The following SEM1 variants were observed in gnomAD, a reference collection of about 807,000 sequenced individuals.
The protein encoded by SEM1 is SEM1 26S proteasome subunit, also known as 26S proteasome complex subunit SEM1.
In SEM1, 3 loss-of-function variants were observed where a neutral mutation model predicts 12.7. The ratio of observed to expected loss-of-function variants is 0.24; its 90% CI spans 0.11 to 0.61. SEM1 has a LOEUF of 0.61. SEM1 is among the 20% of genes least tolerant of loss of function. The pLI, the probability that SEM1 is intolerant of heterozygous loss-of-function variation, is 0.88. For missense variants in SEM1, 59 were observed against 81.3 expected (o/e 0.73, Z 1.06); for synonymous variants, 30 against 27.8 (o/e 1.08, Z -0.25).
At chr7:96,566,445 T>G (rs1805845355) in intron 2 of SEM1, among the ~76,000 whole-genome samples, 1 of 151,666 alleles carries the variant, frequency 6.6e-6, no homozygotes, top group Admixed American at 6.6e-5. Context: ...GAACTTATTT[T>G]TCTATAAACT....
chr7:96,692,541 C>T (rs898588060), intron 2 of SEM1, among the ~76,000 whole-genome samples: 10 of 151,998 alleles, frequency 6.6e-5, no homozygotes, highest in Admixed American at 2.0e-4. Context: ...TAATGTGGCT[C>T]ATTTTTTGAA....
chr7:96,516,917 T>A (rs1049232449), intron 2 of SEM1, among the ~76,000 whole-genome samples: 6 of 152,034 alleles, frequency 3.9e-5, no homozygotes, highest in African/African-American at 1.4e-4. Flanking sequence ...TACCCAGCCA[T>A]GAAAAGATGT....
chr7:96,567,489 C>A (rs1484891926), intron 2 of SEM1, among the ~76,000 whole-genome samples: 2 of 112,558 alleles, frequency 1.8e-5, no homozygotes, highest in Non-Finnish European at 4.4e-5. Flanking sequence ...TCTCTTCAAA[C>A]CTTTGTATTT....
chr7:96,606,586 A>C (rs967638402), intron 2 of SEM1, among the ~76,000 whole-genome samples: 2 of 152,126 alleles, frequency 1.3e-5, no homozygotes, highest in Non-Finnish European at 2.9e-5. Context: ...CAACTATTAG[A>C]AAAAAAAGTA....
intron 2 of SEM1, among the ~76,000 whole-genome samples, chr7:96,606,202 G>A (rs979499525): frequency 4.6e-5 from 7 of 152,190 alleles, no homozygotes; most frequent in Non-Finnish European, 7.3e-5. Context: ...GGTATACATA[G>A]GGTTCAAAAC....
intron 2 of SEM1, among the ~76,000 whole-genome samples, chr7:96,625,032 G>A (rs545106256): frequency 1.3e-5 from 2 of 152,060 alleles, no homozygotes; most frequent in East Asian, 3.9e-4. Context: ...TATTTATCAG[G>A]ACTCTATGTT....
intron 2 of SEM1, among the ~76,000 whole-genome samples, chr7:96,648,820 TGCAGCCCTGACAAA>T (rs1271941127): frequency 5.3e-5 from 8 of 152,218 alleles, no homozygotes; most frequent in African/African-American, 1.9e-4. Flanking sequence ...CAAACTGCAG[TGCAGCCCTGACAAA>T]GCCTCGGCCA....
intron 2 of SEM1, among the ~76,000 whole-genome samples, chr7:96,642,364 G>C (rs934660036): frequency 3.9e-5 from 6 of 152,074 alleles, no homozygotes; most frequent in African/African-American, 1.2e-4. Context: ...TAGAATATCA[G>C]TCTGCATATG....
chr7:96,501,907 T>C (rs1290904539), intron 3 of SEM1, among the ~76,000 whole-genome samples: 1 of 152,076 alleles, frequency 6.6e-6, no homozygotes, highest in Non-Finnish European at 1.5e-5. Context: ...AAAGTGTCTG[T>C]TGTTATAACC....
At chr7:96,574,758 A>G (rs1252855930) in intron 2 of SEM1, among the ~76,000 whole-genome samples, 1 of 151,984 alleles carries the variant, frequency 6.6e-6, no homozygotes, top group Non-Finnish European at 1.5e-5. Context: ...TGATCCAGCT[A>G]TTGATATTTA....
chr7:96,676,718 A>T (rs76725583), intron 2 of SEM1, among the ~76,000 whole-genome samples: 2 of 152,216 alleles, frequency 1.3e-5, no homozygotes, highest in East Asian at 3.9e-4. Flanking sequence ...TACATTTCCC[A>T]TATCTTTTTC....
intron 2 of SEM1, chr7:96,622,659 A>G (rs1231013556): frequency 1.3e-6 from 1 of 763,962 alleles, no homozygotes; most frequent in African/African-American, 1.7e-5. Context: ...AAAATTAGAA[A>G]GTAGGTGAAG....
At chr7:96,610,479 T>C (rs1287104630) in intron 2 of SEM1, among the ~76,000 whole-genome samples, 1 of 152,192 alleles carries the variant, frequency 6.6e-6, no homozygotes, top group East Asian at 1.9e-4. Context: ...TAGACACCAA[T>C]GATACTCTAG....
intron 2 of SEM1, among the ~76,000 whole-genome samples, chr7:96,553,932 T>G (rs1191780972): frequency 6.6e-6 from 1 of 152,112 alleles, no homozygotes; most frequent in East Asian, 1.9e-4. Context: ...GTTGGATTCC[T>G]AGGTATTTTA....
At chr7:96,649,685 G>T (rs1249783856) in intron 2 of SEM1, 1 of 152,194 alleles carries the variant, frequency 6.6e-6, no homozygotes, top group Admixed American at 6.5e-5. Flanking sequence ...GTATCCCATT[G>T]TCATCTGGTC....
chr7:96,490,878 C>A (rs1011266499), intron 1 of SEM1, among the ~76,000 whole-genome samples: 4 of 152,062 alleles, frequency 2.6e-5, no homozygotes, highest in Non-Finnish European at 5.9e-5. Flanking sequence ...ATGGGGGGTT[C>A]TTTGAAGACC....
chr7:96,531,865 A>C (rs1194963421), intron 2 of SEM1, among the ~76,000 whole-genome samples: 1 of 152,150 alleles, frequency 6.6e-6, no homozygotes, highest in African/African-American at 2.4e-5. Context: ...GTAAGAATCA[A>C]GGTACTATTT....
At chr7:96,686,308 A>C (rs1190997658), downstream of SEM1, among the ~76,000 whole-genome samples, 1 of 152,108 alleles carries the variant, frequency 6.6e-6, no homozygotes, top group Non-Finnish European at 1.5e-5. Flanking sequence ...CCCAATCCTT[A>C]ACAACTACTA....
chr7:96,557,966 C>T (rs971232044), intron 2 of SEM1, among the ~76,000 whole-genome samples: 4 of 152,130 alleles, frequency 2.6e-5, no homozygotes, highest in Admixed American at 6.5e-5. Flanking sequence ...AGGTGCTGTC[C>T]ATCACCCCTT....
Sources: gnomAD v4.1 joint callset for allele counts (sites outside exome capture counted in the v4.1 genomes callset) on GRCh38, gnomAD v4.1.1 for gene constraint, MANE v1.5 for transcripts, NCBI Gene and HGNC (gene_info 2026-07-23, HGNC 2026-07-21) for gene names.